Variants in LINGO2 observed in about 807,000 individuals in gnomAD.
LINGO2 encodes leucine rich repeat and Ig domain containing 2.
In LINGO2, 14 loss-of-function variants were observed where a neutral mutation model predicts 30.6. That is an observed-to-expected ratio of 0.46 (90% confidence interval 0.30 to 0.72). The LOEUF (loss-of-function observed/expected upper bound fraction) is 0.72, where lower values mean the gene tolerates loss of function less well. LINGO2 is among the 30% of genes least tolerant of loss of function. The probability of loss-of-function intolerance (pLI) is 0.07; values close to 1 mark genes in which losing one functional copy is unlikely to be tolerated. For missense variants in LINGO2, 729 were observed against 751.7 expected (o/e 0.97, Z 0.35); for synonymous variants, 317 against 288.5 (o/e 1.10, Z -1.00).
rs1244605792 is a variant in LINGO2 at position 28,329,654 on chromosome 9, T to C, written c.-245-34288A>G. Among the ~76,000 whole-genome samples, 1 of 152,040 alleles carries C rather than the reference T, an allele frequency of 6.6e-6. No homozygotes were observed. The highest frequency in any genetic ancestry group is 1.5e-5 in the Non-Finnish European group (1 of 68,006). Reference sequence around the variant, plus strand: ...CTGCCTGGAATAGTTTCCTTCCCACTCTCCCCTTCTTTCACTCATTTACCA... The same window carrying C: ...CTGCCTGGAATAGTTTCCTTCCCACCCTCCCCTTCTTTCACTCATTTACCA... On this transcript the variant is annotated intron_variant, in intron 3 of 5. Transcript: ENST00000379992. The surrounding 1 kb of genome is among the most constrained non-coding windows in gnomAD (Gnocchi z 4.5).
At chr9:27,996,781 A>G (rs1821686500) in intron 5 of LINGO2, among the ~76,000 whole-genome samples, 1 of 152,220 alleles carries the variant, frequency 6.6e-6, no homozygotes, top group South Asian at 2.1e-4. Context: ...CAAAGAAGTG[A>G]TAAATGTTTG....
chr9:28,716,253 T>C, the LINGO2 span, among the ~76,000 whole-genome samples: 1 of 151,828 alleles, frequency 6.6e-6, no homozygotes, highest in Non-Finnish European at 1.5e-5. Context: ...CTTTCCAAGT[T>C]ATTTTCTTTT....
chr9:28,572,969 G>T (rs942451470), intron 1 of LINGO2, among the ~76,000 whole-genome samples: 1 of 152,086 alleles, frequency 6.6e-6, no homozygotes, highest in African/African-American at 2.4e-5. Flanking sequence ...CATGAACCAA[G>T]ACAGAGTCAT....
At chr9:28,128,220 C>T (rs1438640556) in intron 4 of LINGO2, among the ~76,000 whole-genome samples, 1 of 152,146 alleles carries the variant, frequency 6.6e-6, no homozygotes, top group Non-Finnish European at 1.5e-5. Flanking sequence ...TACAAAGAAT[C>T]CAGCTTGTGA....
At chr9:28,643,425 G>T (rs944221109) in intron 1 of LINGO2, among the ~76,000 whole-genome samples, 2 of 151,914 alleles carry the variant, frequency 1.3e-5, no homozygotes, top group African/African-American at 4.8e-5. Context: ...AAGATGCCAA[G>T]AACACACTTG....
the LINGO2 span, among the ~76,000 whole-genome samples, chr9:28,703,681 G>C: frequency 6.6e-6 from 1 of 151,714 alleles, no homozygotes; most frequent in Non-Finnish European, 1.5e-5. Flanking sequence ...GTCCATTTTT[G>C]ATTAAAAGGC....
At chr9:28,400,101 G>A (rs1040081794) in intron 2 of LINGO2, among the ~76,000 whole-genome samples, 3 of 152,132 alleles carry the variant, frequency 2.0e-5, no homozygotes, top group African/African-American at 7.2e-5. Context: ...TGCAATGGGG[G>A]TGTCTGAAGC....
At chr9:28,200,735 C>T (rs1820200131) in intron 4 of LINGO2, among the ~76,000 whole-genome samples, 1 of 152,168 alleles carries the variant, frequency 6.6e-6, no homozygotes, top group South Asian at 2.1e-4. Context: ...TAAGTACCCT[C>T]CAGTCATCTA....
At chr9:28,261,472 A>G (rs1394452655) in intron 4 of LINGO2, among the ~76,000 whole-genome samples, 1 of 151,942 alleles carries the variant, frequency 6.6e-6, no homozygotes, top group Non-Finnish European at 1.5e-5. Flanking sequence ...TACATAGGAG[A>G]CTTTTATGCA....
the LINGO2 span, among the ~76,000 whole-genome samples, chr9:28,853,092 C>G: frequency 6.6e-6 from 1 of 152,008 alleles, no homozygotes; most frequent in African/African-American, 2.4e-5. Flanking sequence ...GTGTTTATTT[C>G]AGAAAGCTTT....
the LINGO2 span, among the ~76,000 whole-genome samples, chr9:28,928,520 A>G: frequency 2.0e-5 from 3 of 152,138 alleles, no homozygotes; most frequent in Non-Finnish European, 4.4e-5. Flanking sequence ...GAAATTAGCT[A>G]CACAGTTTTA....
chr9:28,689,882 T>C, the LINGO2 span, among the ~76,000 whole-genome samples: 2 of 152,136 alleles, frequency 1.3e-5, no homozygotes, highest in Non-Finnish European at 2.9e-5. Context: ...TGAAATACTA[T>C]GCAGCCATGA....
chr9:28,246,709 G>A (rs1232609076), intron 4 of LINGO2, among the ~76,000 whole-genome samples: 1 of 151,982 alleles, frequency 6.6e-6, no homozygotes, highest in African/African-American at 2.4e-5. Context: ...CTTGTATGAT[G>A]ACATCTCCAG....
chr9:28,104,482 C>T (rs377585427), intron 4 of LINGO2, among the ~76,000 whole-genome samples: 43 of 151,700 alleles, frequency 2.8e-4, no homozygotes, highest in African/African-American at 9.7e-4. Flanking sequence ...TTGTATGAGG[C>T]GCAAACCTAA....
chr9:28,544,551 A>G (rs927326325), intron 1 of LINGO2, among the ~76,000 whole-genome samples: 1 of 152,118 alleles, frequency 6.6e-6, no homozygotes, highest in South Asian at 2.1e-4. Context: ...GCATTTGCAA[A>G]GGACCTACCA....
Position 28,629,029 on chromosome 9 carries a change from T to C in LINGO2, c.-365+41171A>G, listed in dbSNP as rs76992938. ...TTATGCATTTATTGAACATTTATTA[T>C]GTGGTGGGCATTACATTAATGTTTT... On this transcript the variant is annotated intron_variant, in intron 1 of 5. Transcript: ENST00000379992. Among the ~76,000 whole-genome samples, 1,504 of 152,264 alleles carry C rather than the reference T, an allele frequency of 9.9e-3. 25 individuals carry two copies. The highest frequency in any genetic ancestry group is 0.034 in the African/African-American group (1,414 of 41,566).
intron 1 of LINGO2, among the ~76,000 whole-genome samples, chr9:28,628,677 CT>C (rs1826796389): frequency 6.6e-6 from 1 of 152,088 alleles, no homozygotes; most frequent in South Asian, 2.1e-4. Flanking sequence ...ATGTTACCCA[CT>C]TTATCCCCTT....
At position 28,150,190 on chromosome 9, in the gene LINGO2, C is replaced by T. The variant is rs571868061; in HGVS notation, c.-86-137785G>A. On this transcript the variant is annotated intron_variant, in intron 4 of 5. Transcript: ENST00000379992. ...AAGGGAGAAGCGCCTCTGCCCAGCCCCTGCACCGTCTGGGAAATGAGGAGC... is the reference window on the plus strand; with the variant it reads ...AAGGGAGAAGCGCCTCTGCCCAGCCTCTGCACCGTCTGGGAAATGAGGAGC... 1.0e-4 allele frequency among the ~76,000 whole-genome samples: 14 copies of T among 137,512 alleles called. 1 individual carries two copies. The South Asian group carries it at 2.9e-3, about 29-fold the overall frequency. 90.2% of individuals were successfully genotyped at this position (137,512 alleles called of 152,430 possible).
chr9:28,067,045 A>T (rs1009785444), intron 4 of LINGO2, among the ~76,000 whole-genome samples: 1 of 152,132 alleles, frequency 6.6e-6, no homozygotes, highest in Non-Finnish European at 1.5e-5. Flanking sequence ...TTTGCTTAAT[A>T]AGTAATATCT....
Sources: allele counts gnomAD v4.1 joint callset (sites outside exome capture counted in the v4.1 genomes callset), GRCh38; gene constraint gnomAD v4.1.1; non-coding constraint Gnocchi (gnomAD v3.1); transcripts MANE v1.5; gene names NCBI Gene and HGNC (gene_info 2026-07-23, HGNC 2026-07-21).